Variants in IGSF11 observed in about 807,000 individuals in gnomAD.
IGSF11 encodes CXADR like 1.
In IGSF11, 22 loss-of-function variants were observed where a neutral mutation model predicts 41.0. That is an observed-to-expected ratio of 0.54 (90% CI 0.38 to 0.77). The LOEUF (loss-of-function observed/expected upper bound fraction) is 0.77. Among genes scored for constraint, IGSF11 ranks in the 30% least tolerant of loss-of-function variants. The probability of loss-of-function intolerance (pLI) is 0.00; values close to 1 mark genes in which losing one functional copy is unlikely to be tolerated. For missense variants in IGSF11, 444 were observed against 530.8 expected, an observed-to-expected ratio of 0.84 and a Z score of 1.61; for synonymous variants, 219 against 201.3, an observed-to-expected ratio of 1.09 and a Z score of -0.74.
intron 1 of IGSF11, among the ~76,000 whole-genome samples, chr3:119,080,385 A>G (rs1274503797): frequency 6.6e-6 from 1 of 152,236 alleles, no homozygotes; most frequent in Non-Finnish European, 1.5e-5. Context: ...CTCCAAAAAA[A>G]TTATGGACAT....
In IGSF11 at chr3:119,079,191, C is replaced by T. The variant is rs185695206; in HGVS notation, c.49+25953G>A. Among the ~76,000 whole-genome samples the T allele has an allele frequency of 7.7e-3, 1,164 of 152,038 alleles. 18 individuals are homozygous for T. The highest frequency in any genetic ancestry group is 0.026 in the African/African-American group (1,065 of 41,454). On this transcript the variant is annotated intron_variant, in intron 1 of 6. Transcript: ENST00000354673. ...TGATCAACATGGTGAAATCCTGTCT[C>T]TACTAAAAATACAAAAAATTAGCCG...
chr3:119,067,201 G>A (rs561900675), intron 1 of IGSF11, among the ~76,000 whole-genome samples: 71 of 152,264 alleles, frequency 4.7e-4, no homozygotes, highest in African/African-American at 1.6e-3. Flanking sequence ...CTGTACTAGC[G>A]TATAGGATGA....
intron 1 of IGSF11, among the ~76,000 whole-genome samples, chr3:119,007,337 G>A (rs912776852): frequency 2.7e-4 from 38 of 139,860 alleles, no homozygotes; most frequent in African/African-American, 4.5e-4. Flanking sequence ...CACGGTGCGC[G>A]CACTCACTGG....
chr3:119,007,436 C>G (rs7632458), intron 1 of IGSF11, among the ~76,000 whole-genome samples: 70 of 151,518 alleles, frequency 4.6e-4, no homozygotes, highest in South Asian at 2.1e-3. Context: ...GCGTCGCTCA[C>G]GCTGGGAGCT....
At chr3:119,109,765 G>T (rs545088896), upstream of IGSF11, among the ~76,000 whole-genome samples, 158 of 152,138 alleles carry the variant, frequency 1.0e-3, 1 homozygote, top group African/African-American at 3.7e-3. Flanking sequence ...CTTTGAATGT[G>T]TCCCAGAGAT....
intron 1 of IGSF11, among the ~76,000 whole-genome samples, chr3:119,079,236 GTA>G (rs2076550855): frequency 6.6e-6 from 1 of 152,054 alleles, no homozygotes; most frequent in Non-Finnish European, 1.5e-5. Context: ...GTGGGTGCCT[GTA>G]ATCCCAGCTA....
intron 1 of IGSF11, among the ~76,000 whole-genome samples, chr3:119,050,292 T>C (rs893630542): frequency 6.8e-6 from 1 of 146,340 alleles, no homozygotes; most frequent in Non-Finnish European, 1.6e-5. Flanking sequence ...TGAACTCAAA[T>C]TTACAAGAAA....
chr3:119,066,155 C>G (rs1576755668), intron 1 of IGSF11, among the ~76,000 whole-genome samples: 1 of 152,058 alleles, frequency 6.6e-6, no homozygotes, highest in South Asian at 2.1e-4. Context: ...GTGAAACAGG[C>G]AGACAACAGT....
intron 1 of IGSF11, among the ~76,000 whole-genome samples, chr3:118,931,128 T>C (rs969267798): frequency 6.6e-6 from 1 of 152,114 alleles, no homozygotes; most frequent in African/African-American, 2.4e-5. Flanking sequence ...GGGGCAAAAA[T>C]AGTCTTTTCA....
intron 1 of IGSF11, among the ~76,000 whole-genome samples, chr3:119,062,950 T>C (rs528373745): frequency 6.6e-6 from 1 of 152,224 alleles, no homozygotes; most frequent in Admixed American, 6.5e-5. Context: ...CCCCTCACTA[T>C]GAGAAAAGGA....
intron 1 of IGSF11, among the ~76,000 whole-genome samples, chr3:118,964,796 T>C (rs1945561410): frequency 1.3e-5 from 2 of 152,164 alleles, no homozygotes; most frequent in Admixed American, 1.3e-4. Flanking sequence ...CTACCAAATC[T>C]AACATAAAAG....
At chr3:119,012,294 T>G (rs1938222997) in intron 1 of IGSF11, among the ~76,000 whole-genome samples, 1 of 152,144 alleles carries the variant, frequency 6.6e-6, no homozygotes, top group Non-Finnish European at 1.5e-5. Flanking sequence ...ACTACAAAGG[T>G]CTGCTATTCT....
chr3:119,113,140 A>G (rs1001737728), intron 1 of IGSF11, among the ~76,000 whole-genome samples: 3 of 152,180 alleles, frequency 2.0e-5, no homozygotes, highest in Non-Finnish European at 4.4e-5. Flanking sequence ...GGGGATTATA[A>G]TTTGACATGA....
chr3:119,054,898 A>G (rs1034478403), intron 1 of IGSF11, among the ~76,000 whole-genome samples: 2 of 151,910 alleles, frequency 1.3e-5, no homozygotes, highest in African/African-American at 4.8e-5. Context: ...GGTCCCTGAC[A>G]CCTGAGTAGC....
intron 1 of IGSF11, among the ~76,000 whole-genome samples, chr3:119,051,923 G>A (rs1432084270): frequency 6.6e-6 from 1 of 152,060 alleles, no homozygotes; most frequent in Non-Finnish European, 1.5e-5. Context: ...AAAATTCTTT[G>A]AACTGAACAA....
chr3:118,935,247 G>GTA (rs1280755583), intron 1 of IGSF11, among the ~76,000 whole-genome samples: 29 of 134,962 alleles, frequency 2.1e-4, no homozygotes, highest in East Asian at 2.1e-3. Context: ...ATATATATAT[G>GTA]TATATATATA....
At chr3:119,102,011 C>T (rs901977799) in intron 1 of IGSF11, among the ~76,000 whole-genome samples, 1 of 152,194 alleles carries the variant, frequency 6.6e-6, no homozygotes, top group African/African-American at 2.4e-5. Context: ...AGTGCTTACA[C>T]TACCTCCCAT....
intron 1 of IGSF11, among the ~76,000 whole-genome samples, chr3:119,028,691 G>C (rs188036213): frequency 8.6e-6 from 1 of 116,516 alleles, no homozygotes; most frequent in Admixed American, 8.7e-5. Context: ...TTCCACAGAA[G>C]TTATAAAATT....
At chr3:119,035,772 C>A (rs1940865858), upstream of IGSF11, among the ~76,000 whole-genome samples, 1 of 152,162 alleles carries the variant, frequency 6.6e-6, no homozygotes, top group African/African-American at 2.4e-5. Context: ...AGCTCATAGT[C>A]ACTTCCTGCT....
Sources: gnomAD v4.1 joint callset for allele counts (sites outside exome capture counted in the v4.1 genomes callset) on GRCh38, gnomAD v4.1.1 for gene constraint, MANE v1.5 for transcripts, NCBI Gene and HGNC (gene_info 2026-07-23, HGNC 2026-07-21) for gene names.